Variants in PAFAH2 observed in about 807,000 individuals in gnomAD.
PAFAH2 encodes platelet activating factor acetylhydrolase 2, also known as platelet-activating factor acetylhydrolase 2, cytoplasmic.
A neutral mutation model predicts 49.0 loss-of-function variants in PAFAH2; 42 were observed. The ratio of observed to expected loss-of-function variants is 0.86; its 90% confidence interval spans 0.67 to 1.11. PAFAH2 has a LOEUF of 1.11. PAFAH2 is among the 50% of genes least tolerant of loss of function. PAFAH2 has a pLI of 0.00. For synonymous variants in PAFAH2, 184 were observed against 181.3 expected, an observed-to-expected ratio of 1.01 and a Z score of -0.12; for missense variants, 503 against 501.8, an observed-to-expected ratio of 1.00 and a Z score of -0.02.
intron 4 of PAFAH2, 88 bp downstream of exon 4, chr1:25,988,142 CT>C (rs923569447): frequency 2.4e-4 from 195 of 802,288 alleles, no homozygotes; most frequent in Non-Finnish European, 2.9e-4. Flanking sequence ...ATGGAAATGT[CT>C]TTTTTTTGCC....
At chr1:25,971,604 G>A (rs1486138622) in intron 10 of PAFAH2, among the ~76,000 whole-genome samples, 3 of 152,114 alleles carry the variant, frequency 2.0e-5, no homozygotes, top group African/African-American at 7.2e-5. Context: ...TGAGACAGAC[G>A]GAAAGAAAAG....
rs2049326270 is a variant in PAFAH2, at chr1:25,960,704, G to T, written c.*1285C>A. On this transcript the variant is annotated 3_prime_UTR_variant, in exon 11 of 11. Transcript: ENST00000374282. ...CACCCTGATTCTGAGCAAGTTGGAG[G>T]TTTATAATATTTGAGGCAAGAAAAA... The T allele has an allele frequency of 2.0e-5, 3 of 152,638 alleles. No individual in the cohort carries two copies. The highest frequency in any genetic ancestry group is 7.2e-5 in the African/African-American group (3 of 41,540). 9.5% of individuals were successfully genotyped at this position (152,638 alleles called of 1,614,324 possible). A position where few individuals can be genotyped will look rare whatever the true frequency, so the allele number is the denominator to read the frequency against.
intron 7 of PAFAH2, among the ~76,000 whole-genome samples, chr1:25,979,268 G>C (rs1440952432): frequency 6.6e-6 from 1 of 151,036 alleles, no homozygotes; most frequent in Admixed American, 6.6e-5. Context: ...CCCCTAAAAG[G>C]CTGCCCTCTT....
At chr1:25,992,075 C>T (rs1202613963) in intron 1 of PAFAH2, among the ~76,000 whole-genome samples, 1 of 147,784 alleles carries the variant, frequency 6.8e-6, no homozygotes, top group African/African-American at 2.4e-5. Context: ...TGCAAAGTTA[C>T]TGAACTAAGC....
chr1:25,976,888 A>G lies in PAFAH2; in HGVS notation c.667-115T>C, dbSNP rs1034104538. 1.1e-5 allele frequency: 8 copies of G among 700,692 alleles called. No homozygotes were observed. In the African/African-American group the frequency reaches 1.4e-4, roughly 12 times the overall value. The allele number at this position is 700,692 out of a possible 1,614,324, so 43.4% of individuals were successfully genotyped here. A position where few individuals can be genotyped will look rare whatever the true frequency, so the allele number is the denominator to read the frequency against. ...AATGAGGCCAAAGGCACAATACAGC[A>G]AGTGAGTCCACCAACACCACACTGT... On this transcript the variant is annotated intron_variant, in intron 7 of 10. Transcript: ENST00000374282.
intron 10 of PAFAH2, among the ~76,000 whole-genome samples, chr1:25,963,742 C>T (rs1049081908): frequency 2.0e-5 from 3 of 152,190 alleles, no homozygotes; most frequent in Admixed American, 2.0e-4. Flanking sequence ...ACCTTGTGAT[C>T]CGCCCGCCTC....
At chr1:25,993,732 A>G (rs2049904264) in intron 1 of PAFAH2, among the ~76,000 whole-genome samples, 1 of 152,076 alleles carries the variant, frequency 6.6e-6, no homozygotes, top group Non-Finnish European at 1.5e-5. Context: ...ACCTTTCCCC[A>G]TCGCTTGTTG....
chr1:25,988,233 G>A lies in PAFAH2; in HGVS notation c.339C>T (p.Phe113=), dbSNP rs774323951. Residue 113 remains phenylalanine, a splice_region_variant and synonymous_variant, in exon 4 of 11, where the codon TTC becomes TTT. Transcript: ENST00000374282. ...LIIFSHGLGA[F]RTLYSAFCME... is the part of the protein sequence containing the mutation. ...GTCTGGGGGAAAGAAGCTCTTACCT[G>A]AAGGCTCCTAGGCCATGGGAGAAGA... The A allele has an allele frequency of 2.3e-5, 36 of 1,592,658 alleles. No individual in the cohort carries two copies. The highest frequency in any genetic ancestry group is 3.5e-5 in the Admixed American group (2 of 56,816).
rs2049744798 is a variant in PAFAH2, at chr1:25,984,321, CTTGGTT to C, written c.410+133_410+138del. The C allele has an allele frequency of 5.2e-6, 4 of 776,564 alleles. No individual in the cohort carries two copies. The East Asian group carries it at 1.1e-4, about 21-fold the overall frequency. The allele number at this position is 776,564 out of a possible 1,614,324, so 48.1% of individuals were successfully genotyped here. ...GGGAAATTATTTAACATCTTTAAAC[CTTGGTT>C]TTCTCTCCTTTAAAAGTGGTATAAT... On this transcript the variant is annotated intron_variant, in intron 5 of 10. Coordinates refer to ENST00000374282, the MANE Select transcript of PAFAH2 (RefSeq NM_000437.4).
intron 9 of PAFAH2, among the ~76,000 whole-genome samples, chr1:25,973,529 C>CTTAA (rs1296338733): frequency 6.6e-6 from 1 of 152,138 alleles, no homozygotes; most frequent in Non-Finnish European, 1.5e-5. Context: ...CCTGAGTGTA[C>CTTAA]CCCTTCCCAA....
intron 1 of PAFAH2, among the ~76,000 whole-genome samples, chr1:25,992,520 A>G (rs954017360): frequency 2.0e-5 from 3 of 152,190 alleles, no homozygotes; most frequent in African/African-American, 7.2e-5. Context: ...CATCATCATC[A>G]TACTTACTCT....
intron 1 of PAFAH2, among the ~76,000 whole-genome samples, chr1:25,996,063 A>G (rs2049932065): frequency 1.3e-5 from 2 of 152,218 alleles, no homozygotes. Context: ...CACAACAGAA[A>G]TAATAACTAT....
chr1:25,962,474 G>T (rs1007464292), intron 10 of PAFAH2, among the ~76,000 whole-genome samples: 6 of 152,108 alleles, frequency 3.9e-5, no homozygotes, highest in African/African-American at 1.2e-4. Context: ...TACCTGAGTT[G>T]CCCAAGGTCA....
At position 25,990,810 on chromosome 1, in the gene PAFAH2, C is replaced by G. The variant is rs200100895; in HGVS notation, c.7G>C (p.Val3Leu). The change falls in exon 2 of 11, where the codon GTC becomes CTC. Residue 3 changes from valine (V) to leucine (L), a missense_variant. Val to Leu is a conservative substitution (Grantham distance 32). Coordinates refer to ENST00000374282, the MANE Select transcript of PAFAH2 (RefSeq NM_000437.4). The part of the protein sequence containing the change: MG[V>L]NQSVGFPPVT... ...GGTGGAAAGCCCACAGACTGGTTGA[C>G]CCCCATTTCATCACCGGGTGAATCA... 2.5e-6 allele frequency: 4 copies of G among 1,613,770 alleles called. No homozygotes were observed. In the Admixed American group the frequency reaches 6.7e-5, roughly 27 times the overall value.
At chr1:25,994,776 T>G (rs963783996) in intron 1 of PAFAH2, among the ~76,000 whole-genome samples, 1 of 152,102 alleles carries the variant, frequency 6.6e-6, no homozygotes, top group Non-Finnish European at 1.5e-5. Flanking sequence ...GGGATAGGAA[T>G]CAGGATAAGC....
chr1:25,964,785 A>G (rs1323337456), intron 10 of PAFAH2, among the ~76,000 whole-genome samples: 1 of 152,214 alleles, frequency 6.6e-6, no homozygotes, highest in Non-Finnish European at 1.5e-5. Flanking sequence ...CAAATGGAAA[A>G]AACATCCCAC....
At chr1:25,984,234 GA>G in intron 5 of PAFAH2, 147 bp from the exon 6 acceptor site, 1 of 946,836 alleles carries the variant, frequency 1.1e-6, no homozygotes, top group Non-Finnish European at 1.6e-6. Context: ...TAGGGAAGTG[GA>G]AAAAATACAG....
At position 25,961,941 on chromosome 1, in the gene PAFAH2, C is replaced by T. The variant is rs773137480; in HGVS notation, c.*48G>A. On this transcript the variant is annotated 3_prime_UTR_variant, in exon 11 of 11. Transcript: ENST00000374282. ...AGCTCATGGGTGCCCTTGGGTAGCT[C>T]CCAAATGAAAACTTGGCTGAAGTGA... 1 of 1,471,238 alleles carries T rather than the reference C, an allele frequency of 6.8e-7. No individual in the cohort carries two copies. Among genetic ancestry groups the T allele is most frequent in the East Asian group, 2.3e-5 (1 of 44,162 alleles). The allele number at this position is 1,471,238 out of a possible 1,614,324, so 91.1% of individuals were successfully genotyped here. A position where few individuals can be genotyped will look rare whatever the true frequency, so the allele number is the denominator to read the frequency against.
chr1:25,975,913 G>C lies in PAFAH2; in HGVS notation c.758+769C>G, dbSNP rs2049581185. On this transcript the variant is annotated intron_variant, in intron 8 of 10. Coordinates refer to ENST00000374282, the MANE Select transcript of PAFAH2 (RefSeq NM_000437.4). ...AATATACACCTCCTTACCCTGGCCAGATGACCCTGTGATCTGGCCCCTGCT... is the reference window on the plus strand; with the variant it reads ...AATATACACCTCCTTACCCTGGCCACATGACCCTGTGATCTGGCCCCTGCT... Among the ~76,000 whole-genome samples the C allele has an allele frequency of 2.6e-5, 4 of 152,222 alleles. No individual in the cohort carries two copies. The South Asian group carries it at 8.3e-4, about 32-fold the overall frequency.
Sources: allele counts gnomAD v4.1 joint callset (sites outside exome capture counted in the v4.1 genomes callset), GRCh38; gene constraint gnomAD v4.1.1; transcripts MANE v1.5; gene names NCBI Gene and HGNC (gene_info 2026-07-23, HGNC 2026-07-21).